KMT2E: variants seen among roughly 807,000 people sequenced by gnomAD.
KMT2E encodes lysine methyltransferase 2E (inactive), also known as histone reader KMT2E.
Under a neutral mutation model 184.6 loss-of-function variants are expected in KMT2E, and 30 were observed. The observed-to-expected ratio is 0.16, with a 90% CI of 0.12 to 0.22. The LOEUF (loss-of-function observed/expected upper bound fraction) is 0.22, where lower values mean the gene tolerates loss of function less well. KMT2E is among the 10% of genes least tolerant of loss of function. The pLI is 1.00. For missense variants in KMT2E, 2,023 were observed against 2,237.4 expected, an observed-to-expected ratio of 0.90 and a Z score of 1.93; for synonymous variants, 815 against 776.5, an observed-to-expected ratio of 1.05 and a Z score of -0.82.
Position 105,019,923 on chromosome 7 carries a change from A to G in KMT2E, c.-189+5388A>G, listed in dbSNP as rs529866885. On this transcript the variant is annotated intron_variant, in intron 1 of 26. Coordinates refer to ENST00000311117, the MANE Select transcript of KMT2E (RefSeq NM_182931.3). Reference sequence around the variant, plus strand: ...GGAGTTTGAGACCAGTCTGGCCAACATGGTGAAACCCCATTTCTACTAAAA... The same window carrying G: ...GGAGTTTGAGACCAGTCTGGCCAACGTGGTGAAACCCCATTTCTACTAAAA... 2.6e-5 allele frequency among the ~76,000 whole-genome samples: 4 copies of G among 152,194 alleles called. No homozygotes were observed. The South Asian group carries it at 8.3e-4, about 32-fold the overall frequency.
intron 26 of KMT2E, 50 bp downstream of exon 26, chr7:105,110,918 C>T (rs1056038925): frequency 7.9e-7 from 1 of 1,270,078 alleles, no homozygotes; most frequent in Non-Finnish European, 1.2e-6. Flanking sequence ...AGGTTGAGTG[C>T]AGAAAAGCTG....
intron 6 of KMT2E, among the ~76,000 whole-genome samples, chr7:105,069,237 T>C (rs188418344): frequency 6.6e-6 from 1 of 152,360 alleles, no homozygotes; most frequent in East Asian, 1.9e-4. Flanking sequence ...TTCTTTAAGA[T>C]AAAATACATG....
chr7:105,087,127 T>A (rs1310795874), intron 13 of KMT2E, among the ~76,000 whole-genome samples: 1 of 147,404 alleles, frequency 6.8e-6, no homozygotes, highest in Non-Finnish European at 1.5e-5. Context: ...ATGTATGTGC[T>A]AATGTATATT....
At chr7:105,072,797 C>G (rs1448430639) in intron 6 of KMT2E, among the ~76,000 whole-genome samples, 1 of 152,022 alleles carries the variant, frequency 6.6e-6, no homozygotes, top group Non-Finnish European at 1.5e-5. Context: ...TGCCCGGAAC[C>G]CCAGCTACTT....
At chr7:105,022,948 T>C (rs1795014570) in intron 1 of KMT2E, among the ~76,000 whole-genome samples, 1 of 152,158 alleles carries the variant, frequency 6.6e-6, no homozygotes, top group Non-Finnish European at 1.5e-5. Context: ...ATAGATAAGA[T>C]AGACAGTAGT....
intron 1 of KMT2E, among the ~76,000 whole-genome samples, chr7:105,032,130 C>T (rs541561298): frequency 3.4e-4 from 48 of 139,500 alleles, no homozygotes; most frequent in Non-Finnish European, 5.4e-4. Flanking sequence ...GTCTAATGGT[C>T]TATATAGGTT....
At position 105,102,200 on chromosome 7, in the gene KMT2E, A is replaced by T; in HGVS notation, c.2196+6A>T. 6.4e-7 allele frequency: 1 copy of T among 1,574,578 alleles called. No homozygotes were observed. The highest frequency in any genetic ancestry group is 8.6e-7 in the Non-Finnish European group (1 of 1,167,394). On this transcript the variant is annotated splice_donor_region_variant and intron_variant, in intron 17 of 26. Transcript: ENST00000311117. ...AGTACCCCAAAACAAAGAAGGTATG[A>T]TTCTAATGAATGTAAGAACTGTTTT...
chr7:105,091,692 A>G (rs1306803788), intron 15 of KMT2E: 10 of 293,554 alleles, frequency 3.4e-5, no homozygotes, highest in Non-Finnish European at 6.2e-5. Context: ...AAACCTTACT[A>G]TAGCACCAAA....
chr7:105,044,127 T>C (rs1039590957), intron 3 of KMT2E, among the ~76,000 whole-genome samples: 67 of 152,136 alleles, frequency 4.4e-4, no homozygotes, highest in African/African-American at 1.6e-3. Flanking sequence ...ATTCTACTTC[T>C]GATGACCAAA....
intron 23 of KMT2E, 79 bp downstream of exon 23, chr7:105,109,307 A>T: frequency 7.0e-7 from 1 of 1,419,422 alleles, no homozygotes; most frequent in Non-Finnish European, 9.6e-7. Flanking sequence ...TGTTCTCCCA[A>T]GGCTAAGCTG....
chr7:105,075,766 G>A (rs1262712247), intron 8 of KMT2E, among the ~76,000 whole-genome samples: 2 of 151,720 alleles, frequency 1.3e-5, no homozygotes, highest in African/African-American at 2.4e-5. Context: ...GTGCACTATG[G>A]CCTCCAACTC....
intron 11 of KMT2E, 66 bp downstream of exon 11, chr7:105,077,499 C>T: frequency 7.9e-7 from 1 of 1,270,666 alleles, no homozygotes; most frequent in Non-Finnish European, 1.1e-6. Flanking sequence ...GCTGTTTTAC[C>T]TAGATGTTGT....
intron 1 of KMT2E, among the ~76,000 whole-genome samples, chr7:105,035,858 C>T (rs1795632370): frequency 6.6e-6 from 1 of 152,180 alleles, no homozygotes; most frequent in Non-Finnish European, 1.5e-5. Flanking sequence ...CACACCCGGC[C>T]ATAAACACAA....
intron 1 of KMT2E, among the ~76,000 whole-genome samples, chr7:105,036,187 GT>G (rs908760805): frequency 1.2e-4 from 15 of 125,814 alleles, no homozygotes; most frequent in African/African-American, 1.5e-4. Context: ...TTTTTTTTTT[GT>G]TTTTTTTTTT....
intron 1 of KMT2E, among the ~76,000 whole-genome samples, chr7:105,030,180 T>C (rs1305637397): frequency 2.6e-5 from 4 of 152,218 alleles, no homozygotes; most frequent in East Asian, 1.9e-4. Context: ...AAGACATTAG[T>C]GTAGAACAAG....
chr7:105,113,523 A>G lies in KMT2E; in HGVS notation c.*190A>G. The G allele has an allele frequency of 1.8e-6, 1 of 566,044 alleles. No homozygotes were observed. Among genetic ancestry groups the G allele is most frequent in the Non-Finnish European group, 2.9e-6 (1 of 342,622 alleles). 35.1% of individuals were successfully genotyped at this position (566,044 alleles called of 1,614,324 possible). A position where few individuals can be genotyped will look rare whatever the true frequency, so the allele number is the denominator to read the frequency against. On this transcript the variant is annotated 3_prime_UTR_variant, in exon 27 of 27. Transcript: ENST00000311117. ...AAAAATGTGCTGTTAAGCCAGTATT[A>G]GGTATCTTTATTTTGTAAGTGAACA...
intron 13 of KMT2E, among the ~76,000 whole-genome samples, chr7:105,082,950 T>C (rs1797816486): frequency 6.6e-6 from 1 of 152,232 alleles, no homozygotes; most frequent in African/African-American, 2.4e-5. Context: ...GAAGCAATCA[T>C]CTCCATTAGG....
chr7:105,110,165 G>C (rs569440530), intron 23 of KMT2E, 115 bp from the exon 24 acceptor site: 3 of 830,690 alleles, frequency 3.6e-6, no homozygotes, highest in Admixed American at 4.3e-5. Context: ...TAACACCAAA[G>C]TATTTTCCCA....
Position 105,074,707 on chromosome 7 carries a change from G to T in KMT2E, c.621G>T (p.Gln207His), listed in dbSNP as rs374027563. ...CTGTGGAATTATATACTGCATTTCA[G>T]CATACTCCAACATCAATTACTTTAA... is the stretch of plus-strand genomic sequence containing the variant. ...EVPVELYTAF[Q>H]HTPTSITLTA... Residue 207 changes from glutamine to histidine, a missense_variant, in exon 8 of 27, where the codon CAG (glutamine) becomes CAT (histidine). By Grantham distance (24) the Gln-to-His change is conservative (BLOSUM62 0). Coordinates refer to ENST00000311117, the MANE Select transcript of KMT2E (RefSeq NM_182931.3). 46 of 1,608,082 alleles carry T rather than the reference G, an allele frequency of 2.9e-5. No individual in the cohort carries two copies. The highest frequency in any genetic ancestry group is 1.7e-4 in the Admixed American group (10 of 59,106).
Sources: allele counts gnomAD v4.1 joint callset (sites outside exome capture counted in the v4.1 genomes callset), GRCh38; gene constraint gnomAD v4.1.1; transcripts MANE v1.5; gene names NCBI Gene and HGNC (gene_info 2026-07-23, HGNC 2026-07-21).